Variants in KLHL1 observed in about 807,000 individuals in gnomAD.
KLHL1 encodes the protein kelch-like protein 1.
A neutral mutation model predicts 77.7 loss-of-function variants in KLHL1; 47 were observed. The ratio of observed to expected loss-of-function variants is 0.60; its 90% CI spans 0.48 to 0.77. The LOEUF (loss-of-function observed/expected upper bound fraction) is 0.77. KLHL1 is among the 30% of genes least tolerant of loss of function. The probability of loss-of-function intolerance (pLI) is 0.00; values close to 1 mark genes in which losing one functional copy is unlikely to be tolerated. For missense variants in KLHL1, 925 were observed against 910.8 expected, an observed-to-expected ratio of 1.02 and a Z score of -0.20; for synonymous variants, 360 against 325.2, an observed-to-expected ratio of 1.11 and a Z score of -1.15.
intron 1 of KLHL1, among the ~76,000 whole-genome samples, chr13:70,084,615 C>T (rs1362769905): frequency 2.3e-4 from 16 of 68,738 alleles, no homozygotes; most frequent in Non-Finnish European, 3.7e-4. Context: ...CCTGCCACCA[C>T]GCCAGGCTTT....
rs776161674 is a variant in KLHL1 at position 70,107,268 on chromosome 13, A to G, written c.432T>C (p.Val144=). 5 of 1,613,944 alleles carry G rather than the reference A, an allele frequency of 3.1e-6. No individual in the cohort carries two copies. In the Admixed American group the frequency reaches 8.3e-5, roughly 27 times the overall value. ...CTGGCTCCACTTTGAGCTCTTGCAG[A>G]ACCAGCCCTTTTTCGTGTGGTCCAG... is the stretch of plus-strand genomic sequence containing the variant. ...DFPGPHEKGL[V]LQELKVEPDN... Residue 144 remains valine (V), a synonymous_variant, in exon 1 of 11, where the codon GTT becomes GTC. Transcript: ENST00000377844.
At chr13:69,985,483 A>G (rs1164801117) in intron 1 of KLHL1, among the ~76,000 whole-genome samples, 5 of 151,938 alleles carry the variant, frequency 3.3e-5, no homozygotes, top group Admixed American at 2.6e-4. Context: ...CAAAAAGAAA[A>G]AAATATATAA....
intron 4 of KLHL1, among the ~76,000 whole-genome samples, chr13:69,938,891 T>A (rs1883263536): frequency 6.6e-6 from 1 of 152,110 alleles, no homozygotes; most frequent in Admixed American, 6.6e-5. Context: ...GCAATCAGAA[T>A]ACTTTTAAGT....
intron 7 of KLHL1, among the ~76,000 whole-genome samples, chr13:69,765,789 C>G: frequency 6.6e-6 from 1 of 152,326 alleles, no homozygotes; most frequent in East Asian, 1.9e-4. Context: ...TGCTACCCTC[C>G]GATCTGTTGC....
intron 7 of KLHL1, among the ~76,000 whole-genome samples, chr13:69,765,059 C>G (rs1252297444): frequency 7.1e-6 from 1 of 141,768 alleles, no homozygotes; most frequent in Non-Finnish European, 1.5e-5. Flanking sequence ...TCAAGTGATT[C>G]TCCTGCCTTA....
Position 69,940,184 on chromosome 13 carries a change from G to A in KLHL1, c.870C>T (p.Cys290=). The A allele has an allele frequency of 1.2e-6, 2 of 1,612,480 alleles. No homozygotes were observed. Among genetic ancestry groups the A allele is most frequent in the Non-Finnish European group, 1.7e-6 (2 of 1,179,402 alleles). Residue 290 remains cysteine (C), a synonymous_variant, in exon 4 of 11, where the codon TGC becomes TGT. Transcript: ENST00000377844. The part of the protein sequence containing the change: ...DTIENLLAAA[C]LLQLPQVVEV... ...CCACCACCTGTGGAAGCTGAAGAAG[G>A]CACGCTGCAGCAAGAAGGTTCTCAA...
At chr13:69,741,531 G>A (rs1327243768) in intron 7 of KLHL1, among the ~76,000 whole-genome samples, 2 of 152,070 alleles carry the variant, frequency 1.3e-5, no homozygotes, top group Non-Finnish European at 2.9e-5. Flanking sequence ...AATAATCAGA[G>A]TACCATCAAT....
intron 4 of KLHL1, among the ~76,000 whole-genome samples, chr13:69,939,340 C>CATACATAT (rs1555283221): frequency 2.0e-4 from 12 of 60,846 alleles, no homozygotes; most frequent in African/African-American, 5.4e-4. Context: ...CATATACATA[C>CATACATAT]ATATATATAT....
At chr13:69,869,092 T>C (rs920129917) in intron 5 of KLHL1, among the ~76,000 whole-genome samples, 1 of 151,852 alleles carries the variant, frequency 6.6e-6, no homozygotes, top group African/African-American at 2.4e-5. Context: ...AATCAACAAA[T>C]ATAAAAATGT....
chr13:69,894,288 G>A (rs113732656), intron 4 of KLHL1: 8,878 of 155,844 alleles, frequency 0.057, 316 homozygotes, highest in African/African-American at 0.09. Flanking sequence ...AATCCTGCTT[G>A]TGCAAATCTG....
chr13:69,766,582 A>G (rs1209171427), intron 7 of KLHL1, among the ~76,000 whole-genome samples: 1 of 152,038 alleles, frequency 6.6e-6, no homozygotes, highest in African/African-American at 2.4e-5. Context: ...AATGGAAAAG[A>G]AGGTGGGAGA....
intron 6 of KLHL1, among the ~76,000 whole-genome samples, chr13:69,804,422 A>G (rs1157110158): frequency 6.6e-6 from 1 of 152,170 alleles, no homozygotes; most frequent in Non-Finnish European, 1.5e-5. Flanking sequence ...TCTTGCATAC[A>G]GCACAGAATT....
chr13:69,902,303 T>C (rs1173706558), intron 4 of KLHL1, among the ~76,000 whole-genome samples: 1 of 152,092 alleles, frequency 6.6e-6, no homozygotes, highest in Non-Finnish European at 1.5e-5. Flanking sequence ...AAAAGGAGAT[T>C]CTCATGAGGT....
At chr13:69,878,707 TATATAG>T (rs1342272011) in intron 5 of KLHL1, among the ~76,000 whole-genome samples, 5 of 149,832 alleles carry the variant, frequency 3.3e-5, no homozygotes, top group African/African-American at 1.2e-4. Context: ...CATATATATA[TATATAG>T]AGAGAGAGAG....
chr13:69,768,313 T>A (rs1403680451), intron 7 of KLHL1, among the ~76,000 whole-genome samples: 2 of 152,142 alleles, frequency 1.3e-5, no homozygotes, highest in African/African-American at 4.8e-5. Flanking sequence ...TGAAATATAT[T>A]TTTTTAAATA....
At chr13:70,040,760 CTTTGT>C (rs1359824050) in intron 1 of KLHL1, among the ~76,000 whole-genome samples, 1 of 151,952 alleles carries the variant, frequency 6.6e-6, no homozygotes. Context: ...TATTTGTGAT[CTTTGT>C]TTTGTTTGCC....
intron 2 of KLHL1, among the ~76,000 whole-genome samples, chr13:69,970,222 C>T (rs1277119033): frequency 6.6e-6 from 1 of 152,120 alleles, no homozygotes; most frequent in Non-Finnish European, 1.5e-5. Flanking sequence ...TCTCAAATGC[C>T]TGTAGAACTG....
intron 1 of KLHL1, among the ~76,000 whole-genome samples, chr13:70,000,728 T>C (rs1314339653): frequency 6.6e-6 from 1 of 151,740 alleles, no homozygotes; most frequent in Non-Finnish European, 1.5e-5. Context: ...CAACAAAGTT[T>C]CCAAATAACA....
At chr13:69,829,370 C>T (rs114237764) in intron 6 of KLHL1, among the ~76,000 whole-genome samples, 4,148 of 150,090 alleles carry the variant, frequency 0.028, 505 homozygotes, top group African/African-American at 0.097. Flanking sequence ...TCTCAGGAAG[C>T]TCCATCCAAA....
Sources: allele counts gnomAD v4.1 joint callset (sites outside exome capture counted in the v4.1 genomes callset), GRCh38; gene constraint gnomAD v4.1.1; transcripts MANE v1.5; gene names NCBI Gene and HGNC (gene_info 2026-07-23, HGNC 2026-07-21).